Variants in GSG1 observed in about 807,000 individuals in gnomAD.
GSG1 encodes germ cell-specific gene 1 protein.
GSG1 carries 28 observed loss-of-function variants against 30.8 expected under a neutral mutation model. That is an observed-to-expected ratio of 0.91 (90% confidence interval 0.67 to 1.25). The LOEUF is 1.25. Ranked by LOEUF, GSG1 falls within the 50% of genes most tolerant of loss-of-function variation. The pLI is 0.00. For missense variants in GSG1, 435 were observed against 444.7 expected (o/e 0.98, Z 0.20); for synonymous variants, 162 against 178.0 (o/e 0.91, Z 0.71).
chr12:13,095,715 C>T, intron 1 of GSG1: 1 of 1,580,180 alleles, frequency 6.3e-7, no homozygotes, highest in Non-Finnish European at 8.6e-7. Context: ...ACCCTCCTCC[C>T]TCTCCTCCTA....
chr12:13,098,188 T>C (rs1030018851), intron 1 of GSG1, among the ~76,000 whole-genome samples: 18 of 151,852 alleles, frequency 1.2e-4, no homozygotes, highest in African/African-American at 4.4e-4. Context: ...TCCTGGCTAG[T>C]AGTTTCATCA....
At chr12:13,099,834 A>T (rs1290657962) in intron 1 of GSG1, among the ~76,000 whole-genome samples, 1 of 142,592 alleles carries the variant, frequency 7.0e-6, no homozygotes, top group African/African-American at 2.6e-5. Flanking sequence ...CCCTGGCAGG[A>T]GTATCTCTGT....
intron 1 of GSG1, 121 bp from the exon 2 acceptor site, chr12:13,090,939 G>T: frequency 1.2e-6 from 1 of 801,562 alleles, no homozygotes. Context: ...CTCCAAGGCA[G>T]ATAGGCACAA....
At chr12:13,090,472 C>T (rs773621859) in intron 2 of GSG1, 31 bp downstream of exon 2, 19 of 1,580,292 alleles carry the variant, frequency 1.2e-5, no homozygotes, top group Admixed American at 3.4e-5. Flanking sequence ...GCCCTGACCC[C>T]GTTGCTCTTA....
chr12:13,090,570 G>GTCA lies in GSG1; in HGVS notation c.294_296dup (p.Asp99dup). 2.5e-6 allele frequency: 4 copies of GTCA among 1,614,240 alleles called. 1 individual carries two copies. The highest frequency in any genetic ancestry group is 1.3e-5 in the African/African-American group (1 of 75,064). ...TCCGGAAGCTCCGGAAGGAGAACCG[G>GTCA]TCATCCCCAGTCTCCCAGTTGTATT... On this transcript the variant is annotated inframe_insertion, in exon 2 of 7. Transcript: ENST00000651961.
chr12:13,085,141 G>A lies in GSG1; in HGVS notation c.849C>T (p.Ser283=). 1 of 1,614,178 alleles carries A rather than the reference G, an allele frequency of 6.2e-7. No homozygotes were observed. Among genetic ancestry groups the A allele is most frequent in the Non-Finnish European group, 8.5e-7 (1 of 1,180,022 alleles). ...GTAGGCAGTTCGGGTTTTCCTTGAA[G>A]CTCTTACTATGCTTGCACTTGAACT... is the stretch of plus-strand genomic sequence containing the variant. The part of the protein sequence containing the change: ...VLEFKCKHSK[S]FKENPNCLPH... The change falls in exon 7 of 7, where the codon AGC becomes AGT. Residue 283 remains serine (S), a synonymous_variant. Transcript: ENST00000651961.
rs138940005 is a variant in GSG1, at chr12:13,088,018, C to A, written c.523G>T (p.Gly175Ter). The A allele has an allele frequency of 1.2e-6, 2 of 1,614,218 alleles. No individual in the cohort carries two copies. The highest frequency in any genetic ancestry group is 3.3e-5 in the Admixed American group (2 of 60,032). Residue 175 changes from glycine to a stop codon, truncating the protein, a stop_gained, in exon 5 of 7, where the codon GGA becomes TGA. Transcript: ENST00000651961. LOFTEE classifies it high-confidence loss of function. ...LSLGTQITYI[G>*]LQFISFLLLL... is the part of the protein sequence containing the mutation. ...AGGAGGAAGCTGATGAATTGAAGTC[C>A]GATGTAGGTGATCTGCGTTCCCAGG...
At chr12:13,097,382 T>A (rs903746620) in intron 1 of GSG1, among the ~76,000 whole-genome samples, 15 of 152,086 alleles carry the variant, frequency 9.9e-5, no homozygotes, top group Non-Finnish European at 1.6e-4. Flanking sequence ...TTTTTTTTTT[T>A]AATTTTAATA....
chr12:13,085,177 C>A lies in GSG1; in HGVS notation c.813G>T (p.Arg271Ser), dbSNP rs576582940. ...SAVTTFNTYTRMVLEFKCKHS... is the reference protein window; with the variant it reads ...SAVTTFNTYTSMVLEFKCKHS... ...GCTTGCACTTGAACTCCAGCACCAT[C>A]CTGGTGTACGTGTTGAAGGTGGTGA... The change falls in exon 7 of 7, where the codon AGG becomes AGT. Residue 271 changes from arginine to serine, a missense_variant. Arg to Ser is a moderately radical substitution (Grantham distance 110). Transcript: ENST00000651961. 311 of 1,614,066 alleles carry A rather than the reference C, an allele frequency of 1.9e-4. 4 individuals carry two copies. The South Asian group carries it at 3.0e-3, about 16-fold the overall frequency.
At chr12:13,086,639 G>C (rs141385191) in intron 6 of GSG1, among the ~76,000 whole-genome samples, 16 of 152,214 alleles carry the variant, frequency 1.1e-4, no homozygotes, top group African/African-American at 3.4e-4. Flanking sequence ...GTTAGAGAAT[G>C]ACCCTAGGGT....
At chr12:13,086,753 A>G (rs1225509157) in intron 6 of GSG1, among the ~76,000 whole-genome samples, 1 of 152,138 alleles carries the variant, frequency 6.6e-6, no homozygotes, top group African/African-American at 2.4e-5. Flanking sequence ...ATTCAATCCA[A>G]ATTTCAAAGC....
In GSG1 at chr12:13,089,355, TAG is replaced by T. The variant is rs773048049; in HGVS notation, c.365-81_365-80del. The T allele has an allele frequency of 7.8e-6, 12 of 1,543,178 alleles. 1 individual carries two copies. The South Asian group carries it at 1.2e-4, about 15-fold the overall frequency. ...TCTTCCATCTCGCTTTTAGCTGAAA[TAG>T]GGAGAAGTAGCAGATATCAAATTGT... On this transcript the variant is annotated intron_variant, in intron 2 of 6. Transcript: ENST00000651961.
At chr12:13,095,593 G>A (rs746548612) in intron 1 of GSG1, 7 of 1,613,994 alleles carry the variant, frequency 4.3e-6, no homozygotes, top group East Asian at 4.5e-5. Context: ...AGGGGAAGCC[G>A]GTTACCTTGG....
intron 1 of GSG1, among the ~76,000 whole-genome samples, chr12:13,094,752 A>G (rs867832558): frequency 6.6e-6 from 1 of 152,216 alleles, no homozygotes; most frequent in South Asian, 2.1e-4. Flanking sequence ...TCATTTTTCA[A>G]CAATCATTTT....
intron 1 of GSG1, among the ~76,000 whole-genome samples, chr12:13,092,573 T>G (rs1396823833): frequency 1.3e-5 from 2 of 152,290 alleles, no homozygotes; most frequent in East Asian, 3.9e-4. Flanking sequence ...AGTACTCTTT[T>G]CACATTTATT....
chr12:13,088,975 C>T (rs1412508680), intron 3 of GSG1, 66 bp from the exon 4 acceptor site: 2 of 1,561,356 alleles, frequency 1.3e-6, no homozygotes, highest in Non-Finnish European at 8.8e-7. Context: ...AAACCTTCCC[C>T]ACCCCATAAC....
At position 13,103,452 on chromosome 12, in the gene GSG1, T is replaced by C. The variant is rs1245603094; in HGVS notation, c.48+13A>G. The C allele has an allele frequency of 2.5e-6, 4 of 1,606,780 alleles. No homozygotes were observed. On this transcript the variant is annotated intron_variant, in intron 1 of 6. Transcript: ENST00000651961. ...ATGAGATGTTCATGAGATTTCAAAATCACTGTACCTACCTCCTGGGTGAGG... is the reference window on the plus strand; with the variant it reads ...ATGAGATGTTCATGAGATTTCAAAACCACTGTACCTACCTCCTGGGTGAGG...
intron 1 of GSG1, among the ~76,000 whole-genome samples, chr12:13,098,868 A>T (rs1286207554): frequency 6.6e-6 from 1 of 152,158 alleles, no homozygotes; most frequent in South Asian, 2.1e-4. Flanking sequence ...GTGTTATATG[A>T]GGAGGCTCAG....
Position 13,103,593 on chromosome 12 carries a change from G to A in GSG1, c.-81C>T. On this transcript the variant is annotated 5_prime_UTR_variant, in exon 1 of 7. Coordinates refer to ENST00000651961, the MANE Select transcript of GSG1 (RefSeq NM_001080555.4). Reference sequence around the variant, plus strand: ...ATCAGTTGGGTAGAATGAGTGTTTAGCGTGAGGATGAATCAGGTCCCCTCT... The same window carrying A: ...ATCAGTTGGGTAGAATGAGTGTTTAACGTGAGGATGAATCAGGTCCCCTCT... 2.0e-6 allele frequency: 3 copies of A among 1,472,186 alleles called. No individual in the cohort carries two copies. Among genetic ancestry groups the A allele is most frequent in the Non-Finnish European group, 2.8e-6 (3 of 1,053,330 alleles). 91.2% of individuals were successfully genotyped at this position (1,472,186 alleles called of 1,614,324 possible). A position where few individuals can be genotyped will look rare whatever the true frequency, so the allele number is the denominator to read the frequency against.
Sources: gnomAD v4.1 joint callset for allele counts (sites outside exome capture counted in the v4.1 genomes callset) on GRCh38, gnomAD v4.1.1 for gene constraint, MANE v1.5 for transcripts, NCBI Gene and HGNC (gene_info 2026-07-23, HGNC 2026-07-21) for gene names.